ZNF267: variants seen among roughly 807,000 people sequenced by gnomAD.
ZNF267 encodes zinc finger (C2H2).
In ZNF267, 61 loss-of-function variants were observed where a neutral mutation model predicts 71.6. The observed-to-expected ratio is 0.85, with a 90% CI of 0.69 to 1.05. The LOEUF (loss-of-function observed/expected upper bound fraction) is 1.05, where lower values mean the gene tolerates loss of function less well. ZNF267 is among the 50% of genes least tolerant of loss of function. The pLI is 0.00. For synonymous variants in ZNF267, 288 were observed against 293.2 expected (o/e 0.98, Z 0.18); for missense variants, 852 against 870.0 (o/e 0.98, Z 0.26).
chr16:31,905,103 G>A (rs949743666), intron 3 of ZNF267, among the ~76,000 whole-genome samples: 1 of 152,142 alleles, frequency 6.6e-6, no homozygotes, highest in African/African-American at 2.4e-5. Context: ...TAAGAATGTT[G>A]AATATTGGCC....
chr16:31,887,765 A>G (rs992800109), intron 3 of ZNF267, among the ~76,000 whole-genome samples: 1 of 151,898 alleles, frequency 6.6e-6, no homozygotes, highest in African/African-American at 2.4e-5. Flanking sequence ...TCAGTACCAT[A>G]CTCTTGATTA....
chr16:31,905,539 T>G (rs2142355477), intron 3 of ZNF267, among the ~76,000 whole-genome samples: 1 of 152,354 alleles, frequency 6.6e-6, no homozygotes, highest in South Asian at 2.1e-4. Context: ...ATTCATTTCA[T>G]CTTCCATCAC....
chr16:31,887,734 G>A (rs899747987), intron 3 of ZNF267, among the ~76,000 whole-genome samples: 1 of 151,984 alleles, frequency 6.6e-6, no homozygotes, highest in African/African-American at 2.4e-5. Flanking sequence ...TATTCCATTG[G>A]TCTATGTGTC....
intron 3 of ZNF267, among the ~76,000 whole-genome samples, chr16:31,892,426 G>A (rs1389020983): frequency 6.6e-6 from 1 of 152,048 alleles, no homozygotes; most frequent in African/African-American, 2.4e-5. Context: ...TCCGCCCCTG[G>A]CCTCTCCCAA....
intron 3 of ZNF267, among the ~76,000 whole-genome samples, chr16:31,907,872 T>G (rs1862209083): frequency 1.3e-5 from 2 of 149,786 alleles, no homozygotes; most frequent in Non-Finnish European, 3.0e-5. Flanking sequence ...CCGTCTCTAC[T>G]AAAAATTGAA....
intron 1 of ZNF267, chr16:31,875,439 T>A: frequency 2.8e-6 from 2 of 722,440 alleles, no homozygotes; most frequent in Non-Finnish European, 3.8e-6. Context: ...TTTCATCCCT[T>A]GGAGACACAT....
chr16:31,903,681 C>T (rs56836469), intron 3 of ZNF267, among the ~76,000 whole-genome samples: 1 of 152,024 alleles, frequency 6.6e-6, no homozygotes, highest in African/African-American at 2.4e-5. Flanking sequence ...TCTCTCTTTT[C>T]TTCTTTATTA....
In ZNF267 at chr16:31,916,238, A is replaced by C; in HGVS notation, c.1989A>C (p.Glu663Asp). 1 of 1,614,100 alleles carries C rather than the reference A, an allele frequency of 6.2e-7. No individual in the cohort carries two copies. The highest frequency in any genetic ancestry group is 8.5e-7 in the Non-Finnish European group (1 of 1,179,990). Residue 663 changes from glutamate to aspartate, a missense_variant, in exon 4 of 4, where the codon GAA (glutamate) becomes GAC (aspartate). Transcript: ENST00000300870. ...CTGGAGAGAGACCCTACAAATGTGA[A>C]GAATGTGGCAAAGCCTTCAACTCTA... ...SHTGERPYKC[E>D]ECGKAFNSRS...
At chr16:31,881,762 G>T (rs964689043) in intron 1 of ZNF267, among the ~76,000 whole-genome samples, 12 of 150,510 alleles carry the variant, frequency 8.0e-5, no homozygotes, top group African/African-American at 2.9e-4. Flanking sequence ...TGCCTTCCCG[G>T]TTCAGATGAT....
At chr16:31,875,939 T>C (rs1261593256) in intron 1 of ZNF267, among the ~76,000 whole-genome samples, 1 of 152,128 alleles carries the variant, frequency 6.6e-6, no homozygotes, top group East Asian at 1.9e-4. Flanking sequence ...TTCAGCAGAA[T>C]GAGTGTAGTA....
chr16:31,891,648 C>G (rs1370900743), intron 3 of ZNF267, among the ~76,000 whole-genome samples: 3 of 152,160 alleles, frequency 2.0e-5, no homozygotes, highest in Non-Finnish European at 4.4e-5. Flanking sequence ...AGGAGAGTTT[C>G]CCTGCACAGG....
intron 3 of ZNF267, among the ~76,000 whole-genome samples, chr16:31,897,114 C>G (rs2084005003): frequency 2.0e-5 from 3 of 149,164 alleles, no homozygotes; most frequent in African/African-American, 7.4e-5. Flanking sequence ...TTTACAAAAC[C>G]TGAACACAAC....
chr16:31,875,920 A>G (rs1266390122), intron 1 of ZNF267, among the ~76,000 whole-genome samples: 5 of 152,134 alleles, frequency 3.3e-5, no homozygotes. Flanking sequence ...AATTCTTACT[A>G]TCTTTTTTTT....
intron 3 of ZNF267, among the ~76,000 whole-genome samples, chr16:31,889,779 A>G (rs2083947691): frequency 6.6e-6 from 1 of 152,176 alleles, no homozygotes; most frequent in African/African-American, 2.4e-5. Flanking sequence ...ACATCTCACT[A>G]TCAAGGACAG....
chr16:31,894,817 CT>C, intron 3 of ZNF267: 1 of 486,446 alleles, frequency 2.1e-6, no homozygotes, highest in Non-Finnish European at 4.1e-6. Flanking sequence ...ACATTGACTT[CT>C]TTAGTAAGTG....
Position 31,873,904 on chromosome 16 carries a change from C to T in ZNF267, c.-63C>T, listed in dbSNP as rs1457789438. On this transcript the variant is annotated 5_prime_UTR_variant, in exon 1 of 4. Coordinates refer to ENST00000300870, the MANE Select transcript of ZNF267 (RefSeq NM_003414.6). Reference sequence around the variant, plus strand: ...GAGAATAAACAGAACCTCTGTTGCTCTGCGACTTGCAGGCACTGGGAGATT... The same window carrying T: ...GAGAATAAACAGAACCTCTGTTGCTTTGCGACTTGCAGGCACTGGGAGATT... The T allele has an allele frequency of 3.7e-6, 6 of 1,612,112 alleles. No individual in the cohort carries two copies. The highest frequency in any genetic ancestry group is 5.1e-6 in the Non-Finnish European group (6 of 1,178,252).
At chr16:31,914,223 G>A (rs888549549) in intron 3 of ZNF267, 10 of 401,450 alleles carry the variant, frequency 2.5e-5, no homozygotes, top group East Asian at 1.2e-4. Context: ...ATTTCTCCCC[G>A]CCATGCAGAT....
At chr16:31,886,465 G>A (rs909746094) in intron 3 of ZNF267, among the ~76,000 whole-genome samples, 8 of 152,156 alleles carry the variant, frequency 5.3e-5, no homozygotes, top group African/African-American at 1.9e-4. Flanking sequence ...TTTGTGAACT[G>A]TGCATGCAAA....
At position 31,914,818 on chromosome 16, in the gene ZNF267, A is replaced by G. The variant is rs754016712; in HGVS notation, c.569A>G (p.Tyr190Cys). ...GATATTTGGGGAAAACATCACATAT[A>G]TGATAAAACTTCAGTGTTATTTAGG... ...EIDIWGKHHI[Y>C]DKTSVLFRQV... Residue 190 changes from tyrosine to cysteine, a missense_variant, in exon 4 of 4, where the codon TAT (tyrosine) becomes TGT (cysteine). Physicochemically the swap from Tyr to Cys is radical, Grantham distance 194. Coordinates refer to ENST00000300870, the MANE Select transcript of ZNF267 (RefSeq NM_003414.6). The G allele has an allele frequency of 6.4e-5, 103 of 1,611,474 alleles. No homozygotes were observed. The highest frequency in any genetic ancestry group is 1.9e-4 in the African/African-American group (14 of 74,708).
Sources: allele counts gnomAD v4.1 joint callset (sites outside exome capture counted in the v4.1 genomes callset), GRCh38; gene constraint gnomAD v4.1.1; transcripts MANE v1.5; gene names NCBI Gene and HGNC (gene_info 2026-07-23, HGNC 2026-07-21).